Variants in FREM3 observed in about 807,000 individuals in gnomAD.
FREM3 encodes the protein FRAS1-related extracellular matrix protein 3.
Under a neutral mutation model 129.1 loss-of-function variants are expected in FREM3, and 105 were observed. The observed-to-expected ratio is 0.81, with a 90% CI of 0.69 to 0.96. FREM3 has a LOEUF of 0.96. Ranked by LOEUF, FREM3 falls within the 40% of genes least tolerant of loss-of-function variation. FREM3 has a pLI of 0.00. For missense variants in FREM3, 2,593 were observed against 2,666.3 expected (o/e 0.97, Z 0.61); for synonymous variants, 1,014 against 1,044.9 (o/e 0.97, Z 0.57).
chr4:143,663,219 T>G lies in FREM3; in HGVS notation c.5275+29894A>C, dbSNP rs532628427. Among the ~76,000 whole-genome samples the G allele has an allele frequency of 6.8e-3, 1,035 of 152,266 alleles. 10 individuals are homozygous for G. Among genetic ancestry groups the G allele is most frequent in the South Asian group, 0.015 (71 of 4,820 alleles). On this transcript the variant is annotated intron_variant, in intron 2 of 7. Coordinates refer to ENST00000329798, the MANE Select transcript of FREM3 (RefSeq NM_001168235.2). Reference sequence around the variant, plus strand: ...TTTGGCATGATTTTGCAGCAGCTGGTACCGGTTGTTCCTTTCCATGTTTAG... The same window carrying G: ...TTTGGCATGATTTTGCAGCAGCTGGGACCGGTTGTTCCTTTCCATGTTTAG...
intron 2 of FREM3, among the ~76,000 whole-genome samples, chr4:143,673,044 C>T (rs573960671): frequency 1.3e-5 from 2 of 152,298 alleles, no homozygotes; most frequent in African/African-American, 4.8e-5. Flanking sequence ...CGAACTTCCT[C>T]CTTTAGCTCG....
At chr4:143,607,880 G>T (rs1738692751) in intron 6 of FREM3, among the ~76,000 whole-genome samples, 2 of 152,124 alleles carry the variant, frequency 1.3e-5, no homozygotes, top group Admixed American at 6.5e-5. Flanking sequence ...GGTGTTGCCA[G>T]GGCTGTGTTC....
In FREM3 at chr4:143,639,517, C is replaced by T. The variant is rs139964041; in HGVS notation, c.5276-11757G>A. 2.0e-3 allele frequency among the ~76,000 whole-genome samples: 311 copies of T among 152,208 alleles called. 3 individuals are homozygous for T. The highest frequency in any genetic ancestry group is 7.3e-3 in the African/African-American group (302 of 41,524). ...GTTTAACGTTCTGTGATTCTTTCTG[C>T]CCCCCTTAGCATGTGGCACCATTAC... On this transcript the variant is annotated intron_variant, in intron 2 of 7. Transcript: ENST00000329798.
At position 143,589,876 on chromosome 4, in the gene FREM3, T is replaced by G. The variant is rs1013332246; in HGVS notation, c.6029-3883A>C. Reference sequence around the variant, plus strand: ...TATTGATTCTTCCTACCCATGAGCATGGAATGTTCTTCCATTTCTTTGTAT... The same window carrying G: ...TATTGATTCTTCCTACCCATGAGCAGGGAATGTTCTTCCATTTCTTTGTAT... On this transcript the variant is annotated intron_variant, in intron 6 of 7. Coordinates refer to ENST00000329798, the MANE Select transcript of FREM3 (RefSeq NM_001168235.2). 2.3e-4 allele frequency among the ~76,000 whole-genome samples: 35 copies of G among 152,358 alleles called. 1 individual carries two copies. The highest frequency in any genetic ancestry group is 7.9e-4 in the African/African-American group (33 of 41,578).
intron 7 of FREM3, among the ~76,000 whole-genome samples, chr4:143,582,344 C>G (rs1738161162): frequency 6.6e-6 from 1 of 152,028 alleles, no homozygotes; most frequent in Non-Finnish European, 1.5e-5. Context: ...TAAGAGCCTG[C>G]CTACCAGCCG....
chr4:143,661,873 G>A (rs968332330), intron 2 of FREM3, among the ~76,000 whole-genome samples: 1 of 152,158 alleles, frequency 6.6e-6, no homozygotes, highest in Non-Finnish European at 1.5e-5. Flanking sequence ...TAGTTTGTTT[G>A]TGTAGAGGTG....
rs939396391 is a variant in FREM3 at position 143,698,055 on chromosome 4, T to C, written c.2621A>G (p.His874Arg). The C allele has an allele frequency of 1.3e-6, 2 of 1,537,262 alleles. No individual in the cohort carries two copies. Among genetic ancestry groups the C allele is most frequent in the African/African-American group, 1.4e-5 (1 of 73,062 alleles). Residue 874 changes from histidine to arginine, a missense_variant, in exon 1 of 8, where the codon CAT (histidine) becomes CGT (arginine). This residue lies in a region of FREM3 where 2,276 missense variants were observed against 2,267.2 expected (regional missense o/e 1.00). Coordinates refer to ENST00000329798, the MANE Select transcript of FREM3 (RefSeq NM_001168235.2). Reference sequence around the variant, plus strand: ...TCTTTTAAAGTACTGCAAGTGTCCATGTTGGGGACCCCGGACTAATATGAA... The same window carrying C: ...TCTTTTAAAGTACTGCAAGTGTCCACGTTGGGGACCCCGGACTAATATGAA... ...IVFILVRGPQ[H>R]GHLQYFKRCM...
chr4:143,635,287 A>G (rs1042279359), intron 2 of FREM3, among the ~76,000 whole-genome samples: 1 of 152,212 alleles, frequency 6.6e-6, no homozygotes, highest in Non-Finnish European at 1.5e-5. Flanking sequence ...ACCTAGAAGT[A>G]AAAAAGAATA....
Position 143,696,330 on chromosome 4 carries a change from A to G in FREM3, c.4346T>C (p.Leu1449Pro), listed in dbSNP as rs573358680. The G allele has an allele frequency of 1.3e-6, 2 of 1,537,438 alleles. No individual in the cohort carries two copies. The highest frequency in any genetic ancestry group is 1.4e-5 in the African/African-American group (1 of 73,154). ...AGAGCTGTTGATGTCACTGTTGGTA[A>G]GCAGATTGTTGGTAAGGGTCACTCT... ...GARVTLTNNL[L>P]TNSDINSSDE... is the part of the protein sequence containing the mutation. Residue 1449 changes from leucine (L) to proline (P), a missense_variant, in exon 1 of 8, where the codon CTT (leucine) becomes CCT (proline). By Grantham distance (98) the Leu-to-Pro change is moderately conservative. Coordinates refer to ENST00000329798, the MANE Select transcript of FREM3 (RefSeq NM_001168235.2).
chr4:143,620,915 A>AG, intron 5 of FREM3, 122 bp downstream of exon 5: 1 of 946,526 alleles, frequency 1.1e-6, no homozygotes, highest in African/African-American at 1.7e-5. Context: ...ATGGACAATG[A>AG]GGGGCCCAGG....
chr4:143,637,377 TCTGG>T (rs1739249763), intron 2 of FREM3, among the ~76,000 whole-genome samples: 1 of 152,176 alleles, frequency 6.6e-6, no homozygotes, highest in South Asian at 2.1e-4. Flanking sequence ...ATTTTCTTCC[TCTGG>T]CTATCTCCCA....
chr4:143,595,654 A>C (rs543929781), intron 6 of FREM3, among the ~76,000 whole-genome samples: 1 of 152,106 alleles, frequency 6.6e-6, no homozygotes, highest in South Asian at 2.1e-4. Flanking sequence ...TTGGGAGGCC[A>C]AGGTGGGCGG....
At chr4:143,597,606 C>A (rs1005608133) in intron 6 of FREM3, among the ~76,000 whole-genome samples, 1 of 152,150 alleles carries the variant, frequency 6.6e-6, no homozygotes, top group Non-Finnish European at 1.5e-5. Context: ...AAATCACTAG[C>A]ATTTCTTTAT....
intron 2 of FREM3, among the ~76,000 whole-genome samples, chr4:143,631,332 T>A (rs112274419): frequency 7.5e-6 from 1 of 132,850 alleles, no homozygotes; most frequent in Non-Finnish European, 1.5e-5. Context: ...TAATGCTGTA[T>A]TTATTTATTT....
At position 143,587,426 on chromosome 4, in the gene FREM3, G is replaced by A. The variant is rs142605651; in HGVS notation, c.6029-1433C>T. ...GCAGGTGGCCTGCACTCAGAAAAGG[G>A]TGGTAGGGTCATTCTTTCTTTTCTT... On this transcript the variant is annotated intron_variant, in intron 6 of 7. Transcript: ENST00000329798. Among the ~76,000 whole-genome samples, 369 of 152,266 alleles carry A rather than the reference G, an allele frequency of 2.4e-3. 2 individuals are homozygous for A. Among genetic ancestry groups the A allele is most frequent in the East Asian group, 0.017 (87 of 5,188 alleles).
chr4:143,681,852 TAG>T (rs559001602), intron 2 of FREM3, among the ~76,000 whole-genome samples: 28 of 152,282 alleles, frequency 1.8e-4, no homozygotes, highest in Admixed American at 1.6e-3. Flanking sequence ...GCAAAATTGA[TAG>T]AGACAACAAG....
intron 2 of FREM3, among the ~76,000 whole-genome samples, chr4:143,665,008 A>C (rs562737263): frequency 6.6e-6 from 1 of 152,224 alleles, no homozygotes; most frequent in African/African-American, 2.4e-5. Flanking sequence ...TTCTTTGACT[A>C]GGAAAGGGAA....
In FREM3 at chr4:143,687,314, G is replaced by T. The variant is rs148501370; in HGVS notation, c.5275+5799C>A. Among the ~76,000 whole-genome samples, 371 of 152,102 alleles carry T rather than the reference G, an allele frequency of 2.4e-3. 3 individuals carry two copies. The highest frequency in any genetic ancestry group is 7.1e-3 in the African/African-American group (296 of 41,472). On this transcript the variant is annotated intron_variant, in intron 2 of 7. Transcript: ENST00000329798. ...TAAATCAGGAAGAATTAGATGCCCT[G>T]AACAGACCAATAACAAGCAGTGAGA...
intron 6 of FREM3, among the ~76,000 whole-genome samples, chr4:143,601,233 A>G (rs1404140367): frequency 6.6e-6 from 1 of 152,204 alleles, no homozygotes; most frequent in African/African-American, 2.4e-5. Context: ...ACATTTTCAA[A>G]AAGTTGAATA....
Sources: allele counts gnomAD v4.1 joint callset (sites outside exome capture counted in the v4.1 genomes callset), GRCh38; gene constraint gnomAD v4.1.1; regional missense constraint gnomAD v4.1.1; transcripts MANE v1.5; gene names NCBI Gene and HGNC (gene_info 2026-07-23, HGNC 2026-07-21).